Variants in SUMF1 observed in about 807,000 individuals in gnomAD.
SUMF1 encodes formylglycine-generating enzyme.
A neutral mutation model predicts 47.6 loss-of-function variants in SUMF1; 48 were observed. The observed-to-expected ratio is 1.01, with a 90% confidence interval of 0.80 to 1.28. The LOEUF (loss-of-function observed/expected upper bound fraction) is 1.28, where lower values mean the gene tolerates loss of function less well. Among genes scored for constraint, SUMF1 ranks in the 50% most tolerant of loss-of-function variants. The probability of loss-of-function intolerance (pLI) is 0.00; values close to 1 mark genes in which losing one functional copy is unlikely to be tolerated. For missense variants in SUMF1, 571 were observed against 485.4 expected (o/e 1.18, Z -1.66); for synonymous variants, 230 against 192.1 (o/e 1.20, Z -1.63).
intron 8 of SUMF1, among the ~76,000 whole-genome samples, chr3:4,070,294 T>G (rs1476975799): frequency 6.6e-6 from 1 of 152,160 alleles, no homozygotes; most frequent in Non-Finnish European, 1.5e-5. Flanking sequence ...CAGGACCTTC[T>G]GAAGGCTGTT....
intron 8 of SUMF1, among the ~76,000 whole-genome samples, chr3:4,293,859 T>C (rs912710790): frequency 2.6e-5 from 4 of 152,232 alleles, no homozygotes; most frequent in African/African-American, 4.8e-5. Context: ...AAAAACTGTT[T>C]ATGTTTTCTA....
At chr3:4,049,843 AG>A (rs1328674607) in intron 9 of SUMF1, among the ~76,000 whole-genome samples, 2 of 152,154 alleles carry the variant, frequency 1.3e-5, no homozygotes, top group Admixed American at 6.6e-5. Flanking sequence ...ACAGACTTGA[AG>A]GATGAATGTG....
In SUMF1 at chr3:4,234,707, G is replaced by C. The variant is rs1029953420; in HGVS notation, c.1014+141623C>G. ...GTGTTAAGGAAGTATTTGGGGAGAA[G>C]GGAATATCTCAGCCAACTTCAGATG... On this transcript the variant is annotated intron_variant and NMD_transcript_variant, in intron 8 of 12. Transcript: ENST00000448413. Among the ~76,000 whole-genome samples, 8 of 152,088 alleles carry C rather than the reference G, an allele frequency of 5.3e-5. 1 individual carries two copies. Among genetic ancestry groups the C allele is most frequent in the African/African-American group, 9.7e-5 (4 of 41,440 alleles).
intron 9 of SUMF1, among the ~76,000 whole-genome samples, chr3:4,047,668 T>G (rs925137733): frequency 1.3e-5 from 2 of 152,132 alleles, no homozygotes; most frequent in African/African-American, 4.8e-5. Flanking sequence ...AGGTACTAAA[T>G]GTTTAGTGAC....
intron 8 of SUMF1, among the ~76,000 whole-genome samples, chr3:4,087,230 G>T (rs1255974878): frequency 6.6e-6 from 1 of 152,148 alleles, no homozygotes; most frequent in Non-Finnish European, 1.5e-5. Context: ...CCTCAGCCAA[G>T]GTATTTAATC....
chr3:4,396,043 A>T (rs1057020403), intron 7 of SUMF1, among the ~76,000 whole-genome samples: 1 of 152,244 alleles, frequency 6.6e-6, no homozygotes, highest in Non-Finnish European at 1.5e-5. Flanking sequence ...TGAAAGGTGG[A>T]ACTATTAACA....
chr3:4,139,900 C>T (rs568748925), intron 8 of SUMF1, among the ~76,000 whole-genome samples: 2 of 152,134 alleles, frequency 1.3e-5, no homozygotes, highest in East Asian at 1.9e-4. Context: ...TATTTGAACA[C>T]ATGCTCTTGG....
At chr3:4,377,517 T>G (rs1700366935) in intron 7 of SUMF1, among the ~76,000 whole-genome samples, 1 of 152,146 alleles carries the variant, frequency 6.6e-6, no homozygotes, top group African/African-American at 2.4e-5. Flanking sequence ...CGCTCCCACT[T>G]AGAGACAAGA....
At chr3:4,108,614 G>A (rs1264306104) in intron 8 of SUMF1, among the ~76,000 whole-genome samples, 1 of 152,046 alleles carries the variant, frequency 6.6e-6, no homozygotes, top group African/African-American at 2.4e-5. Context: ...CTCCCATATT[G>A]GGTGCATATA....
intron 8 of SUMF1, among the ~76,000 whole-genome samples, chr3:4,250,456 T>A (rs1306380232): frequency 1.3e-5 from 2 of 152,040 alleles, no homozygotes; most frequent in Non-Finnish European, 2.9e-5. Context: ...ATGGAGAAGC[T>A]GCAGCAAGCT....
chr3:4,279,696 G>T (rs1200164360), intron 8 of SUMF1, among the ~76,000 whole-genome samples: 1 of 152,074 alleles, frequency 6.6e-6, no homozygotes, highest in Non-Finnish European at 1.5e-5. Flanking sequence ...ACTCTGACAA[G>T]AGACTCATAA....
At chr3:4,353,188 C>T (rs367968416) in intron 8 of SUMF1, among the ~76,000 whole-genome samples, 13 of 152,176 alleles carry the variant, frequency 8.5e-5, no homozygotes, top group African/African-American at 3.1e-4. Context: ...GGCTTGAGGC[C>T]GGGAGCTTAA....
intron 8 of SUMF1, among the ~76,000 whole-genome samples, chr3:4,072,082 T>A (rs1695540714): frequency 6.6e-6 from 1 of 152,002 alleles, no homozygotes; most frequent in Non-Finnish European, 1.5e-5. Context: ...TAAGACAAAT[T>A]TTCCAGAGTA....
intron 8 of SUMF1, among the ~76,000 whole-genome samples, chr3:4,233,497 C>G (rs972616032): frequency 3.3e-5 from 5 of 152,056 alleles, no homozygotes; most frequent in African/African-American, 1.2e-4. Context: ...AATTACTAAG[C>G]TATAAAATAA....
chr3:4,424,434 C>G (rs1431547128), intron 3 of SUMF1, among the ~76,000 whole-genome samples: 2 of 152,112 alleles, frequency 1.3e-5, no homozygotes, highest in African/African-American at 4.8e-5. Context: ...GGAAAAAACA[C>G]GTGAACACAC....
intron 8 of SUMF1, among the ~76,000 whole-genome samples, chr3:4,369,476 C>G (rs572293946): frequency 6.6e-6 from 1 of 152,182 alleles, no homozygotes; most frequent in Non-Finnish European, 1.5e-5. Context: ...AATCAAGTTC[C>G]TGTGGATAAT....
rs114640216 is a variant in SUMF1, at chr3:4,361,699, T to C, written c.*445A>G. The C allele has an allele frequency of 2.4e-3, 460 of 193,014 alleles. 2 individuals carry two copies. Among genetic ancestry groups the C allele is most frequent in the Non-Finnish European group, 3.6e-3 (327 of 92,052 alleles). The allele number at this position is 193,014 out of a possible 1,614,324, so 12.0% of individuals were successfully genotyped here. ...ATAAATTCTCACTATGAAGTCACAA[T>C]AGAATCTGATACCCTTTTTAGAACT... is the stretch of plus-strand genomic sequence containing the variant. On this transcript the variant is annotated 3_prime_UTR_variant, in exon 9 of 9. Coordinates refer to ENST00000272902, the MANE Select transcript of SUMF1 (RefSeq NM_182760.4).
At chr3:4,445,861 A>G (rs1226465692) in intron 3 of SUMF1, among the ~76,000 whole-genome samples, 2 of 152,236 alleles carry the variant, frequency 1.3e-5, no homozygotes, top group Non-Finnish European at 2.9e-5. Flanking sequence ...AGATGGTACC[A>G]TTGGAGGAAA....
intron 3 of SUMF1, among the ~76,000 whole-genome samples, chr3:4,434,459 C>G (rs1295132481): frequency 6.6e-6 from 1 of 152,072 alleles, no homozygotes; most frequent in Admixed American, 6.5e-5. Context: ...GAGGCATTAC[C>G]AAATCTTATA....
Sources: gnomAD v4.1 joint callset for allele counts (sites outside exome capture counted in the v4.1 genomes callset) on GRCh38, gnomAD v4.1.1 for gene constraint, MANE v1.5 for transcripts, NCBI Gene and HGNC (gene_info 2026-07-23, HGNC 2026-07-21) for gene names.